Variants in MORC2 observed in about 807,000 individuals in gnomAD.
The protein encoded by MORC2 is MORC family CW-type zinc finger 2.
MORC2 carries 30 observed loss-of-function variants against 136.0 expected under a neutral mutation model. The ratio of observed to expected loss-of-function variants is 0.22; its 90% CI spans 0.17 to 0.30. The LOEUF is 0.30. Ranked by LOEUF, MORC2 falls within the 10% of genes least tolerant of loss-of-function variation. MORC2 has a pLI of 1.00. For missense variants in MORC2, 922 were observed against 1,333.1 expected (o/e 0.69, Z 4.80); for synonymous variants, 439 against 487.0 (o/e 0.90, Z 1.30).
At chr22:30,931,223 C>T (rs945622461) in intron 24 of MORC2, among the ~76,000 whole-genome samples, 14 of 152,362 alleles carry the variant, frequency 9.2e-5, no homozygotes, top group African/African-American at 3.1e-4. Flanking sequence ...CAGCAGATTA[C>T]AGCCCCTGGG....
chr22:30,946,970 C>G (rs556524890), intron 5 of MORC2, among the ~76,000 whole-genome samples: 3 of 152,170 alleles, frequency 2.0e-5, no homozygotes, highest in Non-Finnish European at 4.4e-5. Flanking sequence ...ATTGACGAAA[C>G]GGCAGCAGCA....
chr22:30,965,082 A>C (rs2041106542), intron 1 of MORC2, among the ~76,000 whole-genome samples: 1 of 152,238 alleles, frequency 6.6e-6, no homozygotes, highest in South Asian at 2.1e-4. Flanking sequence ...CAGCCAGGAA[A>C]CACTCAAGTC....
At chr22:30,950,336 C>CGGG in intron 4 of MORC2, 41 bp downstream of exon 4, 1 of 764,018 alleles carries the variant, frequency 1.3e-6, no homozygotes, top group Non-Finnish European at 2.4e-6. Flanking sequence ...ATGGTTACAT[C>CGGG]GCACCCCCCC....
Position 30,934,503 on chromosome 22 carries a change from C to A in MORC2, c.2193+278G>T, listed in dbSNP as rs529890344. Among the ~76,000 whole-genome samples, 1 of 152,324 alleles carries A rather than the reference C, an allele frequency of 6.6e-6. No individual in the cohort carries two copies. The highest frequency in any genetic ancestry group is 2.4e-5 in the African/African-American group (1 of 41,580). ...AGGCTATCTGTCACCAGATGACTGA[C>A]CTAAGCCCACACTTCGAGAGCCAGT... On this transcript the variant is annotated intron_variant, in intron 19 of 25. Transcript: ENST00000397641. This position sits in a 1 kb window ranked among gnomAD's most constrained non-coding sequence, Gnocchi z 4.4.
At chr22:30,927,908 C>A (rs1019541169) in intron 25 of MORC2, 111 bp downstream of exon 25, 4 of 1,340,280 alleles carry the variant, frequency 3.0e-6, no homozygotes, top group African/African-American at 1.5e-5. Flanking sequence ...AGGGTGAGAA[C>A]CATAGATTCC....
At chr22:30,960,715 T>C (rs900543328) in intron 1 of MORC2, among the ~76,000 whole-genome samples, 4 of 143,082 alleles carry the variant, frequency 2.8e-5, no homozygotes, top group Admixed American at 1.5e-4. Context: ...GGTCTTGAAC[T>C]CCCAACCTCA....
At position 30,934,242 on chromosome 22, in the gene MORC2, G is replaced by A; in HGVS notation, c.2194-51C>T. Reference sequence around the variant, plus strand: ...TGAGGGGCCCTGTTCAGCCTCTAAGGAGCAGGAAGATTTCATCTAGCCTAA... The same window carrying A: ...TGAGGGGCCCTGTTCAGCCTCTAAGAAGCAGGAAGATTTCATCTAGCCTAA... On this transcript the variant is annotated intron_variant, in intron 19 of 25. Transcript: ENST00000397641. This position sits in a 1 kb window ranked among gnomAD's most constrained non-coding sequence, Gnocchi z 4.4. 1.2e-6 allele frequency: 2 copies of A among 1,611,086 alleles called. No individual in the cohort carries two copies. Among genetic ancestry groups the A allele is most frequent in the Non-Finnish European group, 1.7e-6 (2 of 1,178,446 alleles).
At chr22:30,931,869 C>T (rs960242689) in intron 24 of MORC2, among the ~76,000 whole-genome samples, 1 of 152,252 alleles carries the variant, frequency 6.6e-6, no homozygotes, top group Non-Finnish European at 1.5e-5. Flanking sequence ...GTCCAGCAGA[C>T]ACCTGCTTGG....
Position 30,937,149 on chromosome 22 carries a change from C to A in MORC2, c.1499-112G>T. On this transcript the variant is annotated intron_variant, in intron 15 of 25. Transcript: ENST00000397641. This position sits in a 1 kb window ranked among gnomAD's most constrained non-coding sequence, Gnocchi z 4.7. ...TGCCCCAGACTTTGTAGGCAAAGAT[C>A]TTCACTCGGGCTCCAACTCTGCCTA... 1.3e-6 allele frequency: 1 copy of A among 743,666 alleles called. No individual in the cohort carries two copies. Among genetic ancestry groups the A allele is most frequent in the African/African-American group, 1.7e-5 (1 of 57,880 alleles). The allele number at this position is 743,666 out of a possible 1,614,324, so 46.1% of individuals were successfully genotyped here.
In MORC2 at chr22:30,949,178, A is replaced by G. The variant is rs142678559; in HGVS notation, c.317+574T>C. Reference sequence around the variant, plus strand: ...GGGCTTCACTCAAAACCAGAACAACACATTCCAAACACTAACCAACTGGGA... The same window carrying G: ...GGGCTTCACTCAAAACCAGAACAACGCATTCCAAACACTAACCAACTGGGA... On this transcript the variant is annotated intron_variant, in intron 5 of 25. Transcript: ENST00000397641. Among the ~76,000 whole-genome samples the G allele has an allele frequency of 3.0e-4, 45 of 152,324 alleles. 1 individual carries two copies. The highest frequency in any genetic ancestry group is 1.1e-3 in the African/African-American group (44 of 41,584).
At position 30,955,408 on chromosome 22, in the gene MORC2, G is replaced by A. The variant is rs577587924; in HGVS notation, c.157+1355C>T. On this transcript the variant is annotated intron_variant, in intron 3 of 25. Coordinates refer to ENST00000397641, the MANE Select transcript of MORC2 (RefSeq NM_001303256.3). Reference sequence around the variant, plus strand: ...AGGCTTTCAGAATTGAAGCAGTACAGCTGACTTTTAGCTGCTCTGAGGATT... The same window carrying A: ...AGGCTTTCAGAATTGAAGCAGTACAACTGACTTTTAGCTGCTCTGAGGATT... 6.6e-5 allele frequency among the ~76,000 whole-genome samples: 10 copies of A among 152,312 alleles called. 1 individual carries two copies. In the South Asian group the frequency reaches 2.1e-3, roughly 32 times the overall value.
intron 4 of MORC2, 119 bp from the exon 5 acceptor site, chr22:30,949,961 C>A: frequency 1.1e-6 from 1 of 871,936 alleles, no homozygotes. Context: ...GAAAACCTCT[C>A]TCCAAGGAAA....
At chr22:30,947,343 G>A (rs529027531) in intron 5 of MORC2, among the ~76,000 whole-genome samples, 2 of 152,358 alleles carry the variant, frequency 1.3e-5, no homozygotes, top group African/African-American at 4.8e-5. Context: ...TCCAGGCAAC[G>A]CAGGGCAGGG....
chr22:30,958,259 T>G (rs1177482369), intron 2 of MORC2, among the ~76,000 whole-genome samples: 1 of 152,220 alleles, frequency 6.6e-6, no homozygotes, highest in African/African-American at 2.4e-5. Flanking sequence ...TTAAAGACAT[T>G]AGATGGTGTA....
chr22:30,933,017 G>A lies in MORC2; in HGVS notation c.2394C>T (p.His798=), dbSNP rs749049290. The A allele has an allele frequency of 8.7e-6, 14 of 1,613,988 alleles. No homozygotes were observed. Among genetic ancestry groups the A allele is most frequent in the Admixed American group, 1.7e-5 (1 of 60,018 alleles). The stretch of plus-strand genomic sequence containing the variant: ...ACTCCCTGTTCACACGCACCTCCAC[G>A]TGCAGCCCTTTATCTGACAATGTAG... The part of the protein sequence containing the change: ...LKRAQKDKGL[H]VEVRVNREWY... Residue 798 remains histidine, a synonymous_variant, in exon 22 of 26, where the codon CAC becomes CAT. Transcript: ENST00000397641.
At chr22:30,959,333 T>C (rs2041010481) in intron 1 of MORC2, among the ~76,000 whole-genome samples, 2 of 152,214 alleles carry the variant, frequency 1.3e-5, no homozygotes, top group South Asian at 2.1e-4. Flanking sequence ...GAAGGAATTG[T>C]TGGAAAAGGT....
At chr22:30,933,357 C>T in intron 21 of MORC2, 109 bp downstream of exon 21, 1 of 1,252,090 alleles carries the variant, frequency 8.0e-7, no homozygotes, top group Non-Finnish European at 1.1e-6. Flanking sequence ...AGAGCCCAGA[C>T]CCAGGACAGA....
Position 30,968,130 on chromosome 22 carries a change from T to C in MORC2, c.-241A>G. 2.0e-6 allele frequency: 1 copy of C among 488,100 alleles called. No homozygotes were observed. Among genetic ancestry groups the C allele is most frequent in the Non-Finnish European group, 3.7e-6 (1 of 272,384 alleles). The allele number at this position is 488,100 out of a possible 1,614,324, so 30.2% of individuals were successfully genotyped here. On this transcript the variant is annotated 5_prime_UTR_variant, in exon 1 of 26. Coordinates refer to ENST00000397641, the MANE Select transcript of MORC2 (RefSeq NM_001303256.3). ...ATGTAATATTTTGGAAGGAACTATG[T>C]CATAAATCTGTAGCTTTAAGGAGCT...
At chr22:30,938,903 G>T (rs1403592349) in intron 12 of MORC2, among the ~76,000 whole-genome samples, 3 of 152,192 alleles carry the variant, frequency 2.0e-5, no homozygotes, top group East Asian at 1.9e-4. Context: ...AAATTCACAA[G>T]AATAATAAGC....
Sources: allele counts gnomAD v4.1 joint callset (sites outside exome capture counted in the v4.1 genomes callset), GRCh38; gene constraint gnomAD v4.1.1; non-coding constraint Gnocchi (gnomAD v3.1); transcripts MANE v1.5; gene names NCBI Gene and HGNC (gene_info 2026-07-23, HGNC 2026-07-21).